Variants in CADPS2 observed in about 807,000 individuals in gnomAD.
CADPS2 encodes the protein calcium-dependent secretion activator 2.
A neutral mutation model predicts 172.5 loss-of-function variants in CADPS2; 93 were observed. That is an observed-to-expected ratio of 0.54 (90% confidence interval 0.46 to 0.64). CADPS2 has a LOEUF of 0.64. Ranked by LOEUF, CADPS2 falls within the 30% of genes least tolerant of loss-of-function variation. The pLI is 0.00. For missense variants in CADPS2, 1,420 were observed against 1,565.9 expected, an observed-to-expected ratio of 0.91 and a Z score of 1.57; for synonymous variants, 546 against 555.2, an observed-to-expected ratio of 0.98 and a Z score of 0.23.
intron 8 of CADPS2, among the ~76,000 whole-genome samples, chr7:122,539,471 G>C (rs10441358): frequency 1.3e-5 from 2 of 152,068 alleles, no homozygotes; most frequent in Non-Finnish European, 2.9e-5. Context: ...AGATACCTAT[G>C]TGGGCAGGAG....
chr7:122,799,636 T>G (rs1164162861), intron 1 of CADPS2, among the ~76,000 whole-genome samples: 1 of 150,040 alleles, frequency 6.7e-6, no homozygotes, highest in African/African-American at 2.5e-5. Context: ...GAAGTATAGC[T>G]ATCTAGAATG....
chr7:122,507,536 G>A (rs1359032910), intron 9 of CADPS2, among the ~76,000 whole-genome samples: 4 of 152,122 alleles, frequency 2.6e-5, no homozygotes, highest in African/African-American at 9.7e-5. Flanking sequence ...CTCAGTGACA[G>A]AAAATAACTA....
At chr7:122,430,995 G>A (rs2049836019) in intron 17 of CADPS2, among the ~76,000 whole-genome samples, 2 of 152,134 alleles carry the variant, frequency 1.3e-5, no homozygotes, top group Admixed American at 1.3e-4. Context: ...TAATGTAACT[G>A]CCATCTATAA....
intron 17 of CADPS2, among the ~76,000 whole-genome samples, chr7:122,431,580 A>G (rs1388613987): frequency 6.6e-6 from 1 of 152,206 alleles, no homozygotes; most frequent in Non-Finnish European, 1.5e-5. Flanking sequence ...GAAGAGATCA[A>G]CAGACAGACA....
At chr7:122,432,739 T>C (rs1585979572) in intron 17 of CADPS2, among the ~76,000 whole-genome samples, 1 of 151,782 alleles carries the variant, frequency 6.6e-6, no homozygotes. Context: ...TGGGTACAGC[T>C]TTACTCTTTT....
At chr7:122,719,336 T>C (rs1449787861) in intron 2 of CADPS2, among the ~76,000 whole-genome samples, 3 of 152,124 alleles carry the variant, frequency 2.0e-5, no homozygotes, top group Admixed American at 2.0e-4. Flanking sequence ...ACAGCCTTCC[T>C]CCCTGCTCTG....
intron 2 of CADPS2, among the ~76,000 whole-genome samples, chr7:122,720,883 C>T (rs953615783): frequency 2.0e-5 from 3 of 151,696 alleles, no homozygotes; most frequent in Non-Finnish European, 4.4e-5. Flanking sequence ...TTTTGTACAT[C>T]AAAAATGGCC....
intron 10 of CADPS2, 149 bp downstream of exon 10, chr7:122,491,163 T>TC: frequency 2.3e-6 from 1 of 434,748 alleles, no homozygotes; most frequent in African/African-American, 2.0e-5. Flanking sequence ...AAGAGATAAT[T>TC]TGAATCTCAT....
chr7:122,537,112 C>A (rs1244510821), intron 8 of CADPS2, among the ~76,000 whole-genome samples: 4 of 151,584 alleles, frequency 2.6e-5, no homozygotes, highest in Non-Finnish European at 5.9e-5. Flanking sequence ...GTATAACAAA[C>A]CTCCATGACA....
At chr7:122,640,269 C>T (rs984134393) in intron 3 of CADPS2, among the ~76,000 whole-genome samples, 1 of 152,120 alleles carries the variant, frequency 6.6e-6, no homozygotes, top group African/African-American at 2.4e-5. Context: ...GAGTCTGTGG[C>T]CAGGTCTTTC....
At position 122,554,614 on chromosome 7, in the gene CADPS2, C is replaced by T. The variant is rs1040145344; in HGVS notation, c.1411G>A (p.Asp471Asn). ...HRMVVPKNSQ[D>N]SDLKIKLAVR... Reference sequence around the variant, plus strand: ...GCCAGTTTGATTTTTAAGTCAGAATCCTGGCTATTTTTTGGAACTACCATT... The same window carrying T: ...GCCAGTTTGATTTTTAAGTCAGAATTCTGGCTATTTTTTGGAACTACCATT... The change falls in exon 8 of 30, where the codon GAT becomes AAT. Residue 471 changes from aspartate to asparagine, a missense_variant. By Grantham distance (23) the Asp-to-Asn change is conservative. Transcript: ENST00000449022. 6.8e-6 allele frequency: 11 copies of T among 1,611,698 alleles called. No individual in the cohort carries two copies. The South Asian group carries it at 1.2e-4, about 18-fold the overall frequency.
intron 1 of CADPS2, among the ~76,000 whole-genome samples, chr7:122,812,233 A>T (rs1037885904): frequency 5.9e-5 from 9 of 152,146 alleles, no homozygotes; most frequent in African/African-American, 2.2e-4. Context: ...ACCCATTGAT[A>T]GAAAACTGAA....
intron 17 of CADPS2, among the ~76,000 whole-genome samples, chr7:122,437,097 T>C (rs920882764): frequency 5.9e-5 from 9 of 152,248 alleles, no homozygotes; most frequent in Non-Finnish European, 1.2e-4. Context: ...GAATACTCAA[T>C]GCTCCCAAAA....
chr7:122,419,851 C>G (rs2048343803), intron 17 of CADPS2, among the ~76,000 whole-genome samples: 1 of 152,122 alleles, frequency 6.6e-6, no homozygotes, highest in South Asian at 2.1e-4. Context: ...GGGACTAGCA[C>G]TATTTGAATC....
chr7:122,732,606 T>A (rs1423208077), intron 2 of CADPS2, among the ~76,000 whole-genome samples: 1 of 147,342 alleles, frequency 6.8e-6, no homozygotes, highest in Non-Finnish European at 1.5e-5. Context: ...TCTTTTTGGG[T>A]ATTTCTATGT....
intron 1 of CADPS2, among the ~76,000 whole-genome samples, chr7:122,762,653 G>A (rs559605921): frequency 1.3e-5 from 2 of 152,246 alleles, no homozygotes; most frequent in South Asian, 4.1e-4. Flanking sequence ...TCTCAAGAAA[G>A]AGGATAATAA....
Position 122,438,359 on chromosome 7 carries a change from C to T in CADPS2, c.2458G>A (p.Glu820Lys). Residue 820 changes from glutamate to lysine, a missense_variant, in exon 17 of 30, where the codon GAA becomes AAA. Physicochemically the swap from Glu to Lys is moderately conservative, Grantham distance 56. Transcript: ENST00000449022. ...AALINYTRLT[E>K]YAKIEETMNQ... ...CACTGACCTTCTATTTTGGCATATTCTGTGAGTCTAGTGTAATTGATCAAG... is the reference window on the plus strand; with the variant it reads ...CACTGACCTTCTATTTTGGCATATTTTGTGAGTCTAGTGTAATTGATCAAG... The T allele has an allele frequency of 1.2e-6, 2 of 1,612,986 alleles. No individual in the cohort carries two copies. Among genetic ancestry groups the T allele is most frequent in the Non-Finnish European group, 8.5e-7 (1 of 1,179,230 alleles).
intron 1 of CADPS2, among the ~76,000 whole-genome samples, chr7:122,761,996 CAAAAAAA>C (rs1163039605): frequency 7.4e-5 from 5 of 67,526 alleles, no homozygotes; most frequent in Non-Finnish European, 1.1e-4. Flanking sequence ...GACTCTGCCT[CAAAAAAA>C]AAAAAAAAAA....
At chr7:122,439,456 G>A (rs1299975245) in intron 16 of CADPS2, 2 of 152,060 alleles carry the variant, frequency 1.3e-5, no homozygotes, top group African/African-American at 4.8e-5. Flanking sequence ...AAGGAATATT[G>A]AAAGAATATG....
Sources: gnomAD v4.1 joint callset for allele counts (sites outside exome capture counted in the v4.1 genomes callset) on GRCh38, gnomAD v4.1.1 for gene constraint, MANE v1.5 for transcripts, NCBI Gene and HGNC (gene_info 2026-07-23, HGNC 2026-07-21) for gene names.